The following ERAP1 variants were observed in gnomAD, a reference collection of about 807,000 sequenced individuals.
ERAP1 encodes adipocyte-derived leucine aminopeptidase.
ERAP1 carries 86 observed loss-of-function variants against 103.7 expected under a neutral mutation model. The observed-to-expected ratio is 0.83, with a 90% CI of 0.70 to 0.99. The LOEUF (loss-of-function observed/expected upper bound fraction) is 0.99. Ranked by LOEUF, ERAP1 falls within the 50% of genes least tolerant of loss-of-function variation. The pLI is 0.00. For synonymous variants in ERAP1, 398 were observed against 402.4 expected, an observed-to-expected ratio of 0.99 and a Z score of 0.13; for missense variants, 1,009 against 1,128.4, an observed-to-expected ratio of 0.89 and a Z score of 1.52.
intron 3 of ERAP1, among the ~76,000 whole-genome samples, chr5:96,799,890 G>A (rs538841446): frequency 3.3e-5 from 5 of 152,314 alleles, no homozygotes; most frequent in African/African-American, 4.8e-5. Flanking sequence ...TGGGAGATCC[G>A]AATCTTGTTT....
chr5:96,764,550 TCAC>T (rs752726695), intron 19 of ERAP1, among the ~76,000 whole-genome samples: 24 of 152,302 alleles, frequency 1.6e-4, no homozygotes, highest in Non-Finnish European at 5.9e-5. Flanking sequence ...AGGGCACTCA[TCAC>T]CAGTGTGGCA....
chr5:96,926,639 G>T, the ERAP1 span, among the ~76,000 whole-genome samples: 1 of 152,004 alleles, frequency 6.6e-6, no homozygotes, highest in African/African-American at 2.4e-5. Flanking sequence ...TTTTTAAAAG[G>T]TTCATCTATG....
At chr5:96,795,565 C>T (rs1019046790) in intron 4 of ERAP1, among the ~76,000 whole-genome samples, 2 of 152,182 alleles carry the variant, frequency 1.3e-5, no homozygotes, top group South Asian at 4.1e-4. Context: ...AGTTAAGAGA[C>T]CAAGTCCAGG....
chr5:96,928,253 T>G, the ERAP1 span, among the ~76,000 whole-genome samples: 1 of 152,212 alleles, frequency 6.6e-6, no homozygotes, highest in African/African-American at 2.4e-5. Flanking sequence ...TCAACCTTAT[T>G]TCCATTACAA....
At chr5:96,780,871 T>C (rs1775067838) in intron 17 of ERAP1, among the ~76,000 whole-genome samples, 187 bp downstream of exon 17, 1 of 152,244 alleles carries the variant, frequency 6.6e-6, no homozygotes, top group South Asian at 2.1e-4. Context: ...AACATCCCTG[T>C]CCAGATTCAC....
At chr5:96,928,483 T>C in the ERAP1 span, among the ~76,000 whole-genome samples, 2 of 152,198 alleles carry the variant, frequency 1.3e-5, no homozygotes, top group Non-Finnish European at 2.9e-5. Flanking sequence ...AAGAATGTCA[T>C]GTGAACACTG....
At chr5:96,913,287 T>TTTATTAGGTATTA in the ERAP1 span, 1 of 1,596,256 alleles carries the variant, frequency 6.3e-7, no homozygotes, top group Non-Finnish European at 8.6e-7. Context: ...ATACCTACTA[T>TTTATTAGGTATTA]TTAGAAACAA....
the ERAP1 span, among the ~76,000 whole-genome samples, chr5:96,933,487 T>G: frequency 5.4e-4 from 82 of 152,208 alleles, no homozygotes; most frequent in South Asian, 0.017. Context: ...AGGCAAGAGG[T>G]TGGCAAAGAA....
chr5:96,905,045 G>A, the ERAP1 span, among the ~76,000 whole-genome samples: 1 of 151,940 alleles, frequency 6.6e-6, no homozygotes. Context: ...AATAATATCC[G>A]ATATACAAGG....
At chr5:96,896,967 T>TGGGTAACGATAGACTGTG in the ERAP1 span, 2 of 427,026 alleles carry the variant, frequency 4.7e-6, no homozygotes, top group South Asian at 6.2e-5. Flanking sequence ...CAACCATATT[T>TGGGTAACGATAGACTGTG]ATTCTGCTTG....
chr5:96,872,936 T>C, the ERAP1 span, among the ~76,000 whole-genome samples: 3 of 152,164 alleles, frequency 2.0e-5, no homozygotes, highest in Non-Finnish European at 4.4e-5. Flanking sequence ...ATGCCTGTAA[T>C]CCCAGCACTT....
At chr5:96,897,380 G>A in the ERAP1 span, among the ~76,000 whole-genome samples, 1 of 152,108 alleles carries the variant, frequency 6.6e-6, no homozygotes, top group Non-Finnish European at 1.5e-5. Context: ...ATCCAGCTGA[G>A]ATTTCACCTC....
chr5:96,853,778 G>A, the ERAP1 span, among the ~76,000 whole-genome samples: 1 of 150,764 alleles, frequency 6.6e-6, no homozygotes, highest in Non-Finnish European at 1.5e-5. Context: ...TGTGTTTTGT[G>A]AGCGAGTACC....
chr5:96,774,411 A>C (rs748061491), downstream of ERAP1: 2 of 582,996 alleles, frequency 3.4e-6, no homozygotes, highest in Non-Finnish European at 4.3e-6. Flanking sequence ...TAATAACTGG[A>C]GTAAGCTACA....
chr5:96,909,535 G>A, the ERAP1 span: 1 of 1,501,002 alleles, frequency 6.7e-7, no homozygotes, highest in South Asian at 1.1e-5. Flanking sequence ...ACTGTGTTAA[G>A]GACTAAATTT....
At chr5:96,805,357 T>TTA (rs1554043929) in intron 1 of ERAP1, among the ~76,000 whole-genome samples, 100 of 138,898 alleles carry the variant, frequency 7.2e-4, no homozygotes, top group South Asian at 5.0e-3. Flanking sequence ...TTTTTTTTTT[T>TTA]AAAAAAAAAA....
the ERAP1 span, among the ~76,000 whole-genome samples, chr5:96,914,746 C>T: frequency 1.2e-3 from 185 of 152,142 alleles, no homozygotes; most frequent in African/African-American, 4.2e-3. Flanking sequence ...ATTCTGTGGC[C>T]GTGAATGAGA....
chr5:96,872,045 A>G, the ERAP1 span, among the ~76,000 whole-genome samples: 2 of 152,194 alleles, frequency 1.3e-5, no homozygotes, highest in African/African-American at 4.8e-5. Context: ...TTTTAAGCCC[A>G]TAATATAGAC....
At chr5:96,826,629 C>T in the ERAP1 span, among the ~76,000 whole-genome samples, 6 of 152,142 alleles carry the variant, frequency 3.9e-5, no homozygotes, top group South Asian at 2.1e-4. Context: ...GTTTTTTAGA[C>T]ATGCAAGAAG....
Sources: allele counts gnomAD v4.1 joint callset (sites outside exome capture counted in the v4.1 genomes callset), GRCh38; gene constraint gnomAD v4.1.1; transcripts MANE v1.5; gene names NCBI Gene and HGNC (gene_info 2026-07-23, HGNC 2026-07-21).